FOXP2: variants seen among roughly 807,000 people sequenced by gnomAD.
FOXP2 encodes the protein forkhead box P2.
In FOXP2, 12 loss-of-function variants were observed where a neutral mutation model predicts 115.8. The observed-to-expected ratio is 0.10, with a 90% CI of 0.07 to 0.17. The LOEUF is 0.17. Among genes scored for constraint, FOXP2 ranks in the 10% least tolerant of loss-of-function variants. FOXP2 has a pLI of 1.00. For synonymous variants in FOXP2, 328 were observed against 297.7 expected (o/e 1.10, Z -1.05); for missense variants, 629 against 843.5 (o/e 0.75, Z 3.15).
At chr7:114,087,001 T>G (rs544445531), upstream of FOXP2, among the ~76,000 whole-genome samples, 218 of 152,252 alleles carry the variant, frequency 1.4e-3, no homozygotes, top group Non-Finnish European at 2.4e-3. Flanking sequence ...AGATGTGTGT[T>G]TGTTTACTCT....
chr7:114,304,921 A>C (rs1796976129), intron 2 of FOXP2, among the ~76,000 whole-genome samples: 1 of 152,144 alleles, frequency 6.6e-6, no homozygotes, highest in Admixed American at 6.6e-5. Context: ...CTGTGTGCTG[A>C]AAAGACATTA....
intron 3 of FOXP2, among the ~76,000 whole-genome samples, chr7:114,621,986 A>G (rs1804279022): frequency 2.0e-5 from 3 of 152,042 alleles, no homozygotes; most frequent in South Asian, 4.1e-4. Flanking sequence ...TTGCTTTGCA[A>G]TGGCATGACT....
chr7:114,244,070 A>G (rs1386814391), intron 1 of FOXP2, among the ~76,000 whole-genome samples: 2 of 151,960 alleles, frequency 1.3e-5, no homozygotes, highest in Admixed American at 1.3e-4. Flanking sequence ...GATGTTTTCT[A>G]TTTCTAAGAA....
chr7:114,562,360 C>T (rs546219622), intron 3 of FOXP2, among the ~76,000 whole-genome samples: 61 of 152,302 alleles, frequency 4.0e-4, no homozygotes, highest in African/African-American at 1.4e-3. Context: ...CTCCCTGCAT[C>T]AGTTTCTAGC....
intron 1 of FOXP2, among the ~76,000 whole-genome samples, chr7:114,251,828 T>C (rs991392267): frequency 6.6e-6 from 1 of 152,226 alleles, no homozygotes; most frequent in African/African-American, 2.4e-5. Flanking sequence ...CAACACTGTG[T>C]TGAATAGGAG....
At chr7:114,675,938 C>A (rs1807730166) in intron 16 of FOXP2, among the ~76,000 whole-genome samples, 2 of 151,138 alleles carry the variant, frequency 1.3e-5, no homozygotes, top group Non-Finnish European at 3.0e-5. Context: ...GAGACGGAGT[C>A]CCGCTGTGTA....
At chr7:114,383,305 C>T (rs1031612201) in intron 2 of FOXP2, among the ~76,000 whole-genome samples, 2 of 152,132 alleles carry the variant, frequency 1.3e-5, no homozygotes, top group East Asian at 1.9e-4. Flanking sequence ...CTGGCTGGGC[C>T]GAATTCTCCT....
At chr7:114,407,595 A>G (rs950885436) in intron 2 of FOXP2, among the ~76,000 whole-genome samples, 4 of 152,160 alleles carry the variant, frequency 2.6e-5, no homozygotes, top group South Asian at 2.1e-4. Context: ...TTTGAACAAT[A>G]TGAATAACCA....
chr7:114,438,842 C>A (rs894025132), intron 2 of FOXP2, among the ~76,000 whole-genome samples: 6 of 152,094 alleles, frequency 3.9e-5, no homozygotes, highest in Non-Finnish European at 7.4e-5. Flanking sequence ...TAACCTCAAA[C>A]AAACCCATTG....
intron 2 of FOXP2, among the ~76,000 whole-genome samples, chr7:114,343,605 A>G (rs1791265722): frequency 6.6e-6 from 1 of 151,644 alleles, no homozygotes; most frequent in Admixed American, 6.6e-5. Context: ...CAGTTAACTC[A>G]CCCTTAAGAA....
At chr7:114,141,266 G>A (rs1396847791) in intron 1 of FOXP2, among the ~76,000 whole-genome samples, 1 of 152,160 alleles carries the variant, frequency 6.6e-6, no homozygotes, top group African/African-American at 2.4e-5. Flanking sequence ...AAATGGAAAA[G>A]AAGCATTTCC....
chr7:114,678,844 A>C (rs1474138955), intron 16 of FOXP2, among the ~76,000 whole-genome samples: 3 of 152,138 alleles, frequency 2.0e-5, no homozygotes, highest in Non-Finnish European at 4.4e-5. Flanking sequence ...TGAGCAATTA[A>C]AATAACAAAT....
At chr7:114,540,212 G>T (rs1384724051) in intron 3 of FOXP2, among the ~76,000 whole-genome samples, 3 of 151,892 alleles carry the variant, frequency 2.0e-5, no homozygotes, top group Admixed American at 1.3e-4. Context: ...ATACTAGAGT[G>T]TTTTCCCCTG....
At chr7:114,369,945 A>G (rs1468833364) in intron 2 of FOXP2, among the ~76,000 whole-genome samples, 1 of 152,178 alleles carries the variant, frequency 6.6e-6, no homozygotes, top group African/African-American at 2.4e-5. Flanking sequence ...CATTTTGATT[A>G]GATGTTGTAA....
At chr7:114,443,268 A>G (rs1364961357) in intron 2 of FOXP2, among the ~76,000 whole-genome samples, 2 of 152,196 alleles carry the variant, frequency 1.3e-5, no homozygotes, top group Non-Finnish European at 2.9e-5. Context: ...GAATAAAATT[A>G]ATTTTGTCTC....
At chr7:114,240,024 G>C (rs544964904) in intron 1 of FOXP2, among the ~76,000 whole-genome samples, 29 of 152,292 alleles carry the variant, frequency 1.9e-4, no homozygotes, top group African/African-American at 7.0e-4. Context: ...GGAAGACCTA[G>C]TATGAGGAAA....
At chr7:114,368,013 C>T (rs1791921185) in intron 2 of FOXP2, among the ~76,000 whole-genome samples, 1 of 152,030 alleles carries the variant, frequency 6.6e-6, no homozygotes. Flanking sequence ...TTTGTTTGGG[C>T]CCAAGGCAAA....
intron 2 of FOXP2, among the ~76,000 whole-genome samples, chr7:114,295,228 A>G (rs1796713926): frequency 1.3e-5 from 2 of 152,200 alleles, no homozygotes; most frequent in African/African-American, 4.8e-5. Context: ...CACCATTACA[A>G]TAATCTGCTT....
At chr7:114,678,209 A>T (rs780081671) in intron 16 of FOXP2, among the ~76,000 whole-genome samples, 1 of 152,208 alleles carries the variant, frequency 6.6e-6, no homozygotes, top group Non-Finnish European at 1.5e-5. Context: ...TCAACCTAGT[A>T]TTGAGCAGAG....
Sources: gnomAD v4.1 joint callset for allele counts (sites outside exome capture counted in the v4.1 genomes callset) on GRCh38, gnomAD v4.1.1 for gene constraint, MANE v1.5 for transcripts, NCBI Gene and HGNC (gene_info 2026-07-23, HGNC 2026-07-21) for gene names.